The following CYP4Z1 variants were observed in gnomAD, a reference collection of about 807,000 sequenced individuals.
The protein encoded by CYP4Z1 is cytochrome P450 4Z1.
CYP4Z1 carries 41 observed loss-of-function variants against 54.2 expected under a neutral mutation model. That is an observed-to-expected ratio of 0.76 (90% CI 0.59 to 0.98). The LOEUF (loss-of-function observed/expected upper bound fraction) is 0.98. CYP4Z1 is among the 50% of genes least tolerant of loss of function. CYP4Z1 has a pLI of 0.00. For synonymous variants in CYP4Z1, 163 were observed against 206.2 expected (o/e 0.79, Z 1.79); for missense variants, 513 against 599.0 (o/e 0.86, Z 1.50).
rs892582364 is a variant in CYP4Z1 at position 47,091,151 on chromosome 1, A to G, written c.773-3415A>G. Among the ~76,000 whole-genome samples the G allele has an allele frequency of 8.0e-5, 11 of 136,660 alleles. 1 individual carries two copies. Among genetic ancestry groups the G allele is most frequent in the African/African-American group, 3.5e-4 (11 of 31,712 alleles). 89.7% of individuals were successfully genotyped at this position (136,660 alleles called of 152,430 possible). A position where few individuals can be genotyped will look rare whatever the true frequency, so the allele number is the denominator to read the frequency against. On this transcript the variant is annotated intron_variant, in intron 6 of 11. Transcript: ENST00000334194. ...AGAGTTTGCCATCCTGACTGTAACC[A>G]TCCTGAGAACTGAAAAGTATGCCCT...
chr1:47,057,599 A>G, the CYP4Z1 span, among the ~76,000 whole-genome samples: 2 of 147,716 alleles, frequency 1.4e-5, no homozygotes, highest in Non-Finnish European at 3.0e-5. Flanking sequence ...AATTTCAGAT[A>G]TTGGACTTTT....
At chr1:47,060,037 G>A in the CYP4Z1 span, among the ~76,000 whole-genome samples, 1 of 152,102 alleles carries the variant, frequency 6.6e-6, no homozygotes, top group South Asian at 2.1e-4. Context: ...ATCATGTATT[G>A]GGAAATATCC....
chr1:47,058,297 T>A, the CYP4Z1 span, among the ~76,000 whole-genome samples: 1 of 152,118 alleles, frequency 6.6e-6, no homozygotes. Flanking sequence ...TTTTCACTTT[T>A]AAAATGGTGT....
At chr1:47,117,043 T>C (rs1299848807) in intron 11 of CYP4Z1, among the ~76,000 whole-genome samples, 5 of 152,208 alleles carry the variant, frequency 3.3e-5, no homozygotes, top group South Asian at 2.1e-4. Flanking sequence ...CATCTTGTTA[T>C]AGGAACAAGG....
At chr1:47,087,320 C>T (rs559039260) in intron 6 of CYP4Z1, among the ~76,000 whole-genome samples, 3 of 152,248 alleles carry the variant, frequency 2.0e-5, no homozygotes, top group Admixed American at 6.5e-5. Context: ...ATTCTTCCTA[C>T]CCATGAGCAT....
At chr1:47,114,135 A>G (rs1203521323) in intron 9 of CYP4Z1, among the ~76,000 whole-genome samples, 1 of 152,186 alleles carries the variant, frequency 6.6e-6, no homozygotes. Context: ...CCTCAGAAAT[A>G]ATGCCGCATA....
rs572651900 is a variant in CYP4Z1 at position 47,110,073 on chromosome 1, G to A, written c.1201+3812G>A. 1.7e-4 allele frequency among the ~76,000 whole-genome samples: 25 copies of A among 143,584 alleles called. No homozygotes were observed. The South Asian group carries it at 6.3e-3, about 36-fold the overall frequency. 94.2% of individuals were successfully genotyped at this position (143,584 alleles called of 152,430 possible). A position where few individuals can be genotyped will look rare whatever the true frequency, so the allele number is the denominator to read the frequency against. On this transcript the variant is annotated intron_variant, in intron 9 of 11. Transcript: ENST00000334194. ...TTTATTATAATGAATATGCTCATAA[G>A]GTGTCAGTGTGATTCTCTGGATTAA...
intron 9 of CYP4Z1, among the ~76,000 whole-genome samples, chr1:47,107,413 T>C (rs561352251): frequency 1.3e-5 from 2 of 152,236 alleles, no homozygotes; most frequent in South Asian, 4.1e-4. Flanking sequence ...ATCATGGGGA[T>C]CTTTGCAATC....
chr1:47,089,917 G>T (rs1176029858), intron 6 of CYP4Z1, among the ~76,000 whole-genome samples: 2 of 152,282 alleles, frequency 1.3e-5, no homozygotes, highest in African/African-American at 4.8e-5. Flanking sequence ...CTTGCAATAT[G>T]ATTGGGAGAA....
rs372632854 is a variant in CYP4Z1, at chr1:47,067,418, T to G, written c.-73T>G. On this transcript the variant is annotated 5_prime_UTR_variant, in exon 1 of 12. Transcript: ENST00000334194. ...TGTTGCCCAGGGGGCATCTCCTTTGTGTTTATGAGAGACCTGCATTCTCCC... is the reference window on the plus strand; with the variant it reads ...TGTTGCCCAGGGGGCATCTCCTTTGGGTTTATGAGAGACCTGCATTCTCCC... 14 of 1,335,840 alleles carry G rather than the reference T, an allele frequency of 1.0e-5. No individual in the cohort carries two copies. The highest frequency in any genetic ancestry group is 1.5e-5 in the African/African-American group (1 of 67,254). The allele number at this position is 1,335,840 out of a possible 1,614,324, so 82.7% of individuals were successfully genotyped here.
At chr1:47,106,013 C>T in intron 8 of CYP4Z1, 115 bp from the exon 9 acceptor site, 1 of 1,320,392 alleles carries the variant, frequency 7.6e-7, no homozygotes, top group South Asian at 1.4e-5. Flanking sequence ...TGAAGTCCTC[C>T]TTTGGGTAAA....
rs372928814 is a variant in CYP4Z1, at chr1:47,089,739, A to G, written c.772+4761A>G. Among the ~76,000 whole-genome samples the G allele has an allele frequency of 1.8e-4, 28 of 152,290 alleles. No individual in the cohort carries two copies. The East Asian group carries it at 3.7e-3, about 20-fold the overall frequency. On this transcript the variant is annotated intron_variant, in intron 6 of 11. Coordinates refer to ENST00000334194, the MANE Select transcript of CYP4Z1 (RefSeq NM_178134.3). The stretch of plus-strand genomic sequence containing the variant: ...AGGCAGAACCACACATGAACAAGCT[A>G]TTTTTTTGAGAACCCTTAGATCAAC...
At chr1:47,095,211 T>C (rs1644669053) in intron 7 of CYP4Z1, among the ~76,000 whole-genome samples, 1 of 152,222 alleles carries the variant, frequency 6.6e-6, no homozygotes, top group South Asian at 2.1e-4. Context: ...TGGTAAAACC[T>C]GGGAGCTTGT....
upstream of CYP4Z1, among the ~76,000 whole-genome samples, chr1:47,066,677 G>C (rs565693631): frequency 6.6e-6 from 1 of 152,170 alleles, no homozygotes; most frequent in African/African-American, 2.4e-5. Flanking sequence ...TCAGACAAAA[G>C]GAAGAAATAA....
At chr1:47,101,473 T>G (rs1644721054) in intron 8 of CYP4Z1, among the ~76,000 whole-genome samples, 1 of 152,136 alleles carries the variant, frequency 6.6e-6, no homozygotes, top group South Asian at 2.1e-4. Flanking sequence ...TTCAAGAAAT[T>G]TTTTTATTTC....
chr1:47,059,025 G>A, the CYP4Z1 span, among the ~76,000 whole-genome samples: 1 of 151,996 alleles, frequency 6.6e-6, no homozygotes, highest in African/African-American at 2.4e-5. Flanking sequence ...GAAGGATAAA[G>A]GCTAATATAA....
the CYP4Z1 span, among the ~76,000 whole-genome samples, chr1:47,058,874 T>C: frequency 6.6e-6 from 1 of 152,168 alleles, no homozygotes; most frequent in African/African-American, 2.4e-5. Context: ...GAATATTATT[T>C]AACTATTTTT....
intron 7 of CYP4Z1, among the ~76,000 whole-genome samples, chr1:47,098,236 C>A (rs192258662): frequency 1.3e-5 from 2 of 152,310 alleles, no homozygotes; most frequent in Admixed American, 1.3e-4. Flanking sequence ...GATATTGATT[C>A]TTCCTATCCA....
Position 47,074,440 on chromosome 1 carries a change from A to G in CYP4Z1, c.319+5677A>G, listed in dbSNP as rs1386717323. Among the ~76,000 whole-genome samples the G allele has an allele frequency of 3.4e-4, 52 of 151,880 alleles. No homozygotes were observed. In the East Asian group the frequency reaches 8.6e-3, roughly 25 times the overall value. On this transcript the variant is annotated intron_variant, in intron 2 of 11. Coordinates refer to ENST00000334194, the MANE Select transcript of CYP4Z1 (RefSeq NM_178134.3). ...CTGTTCCTACATTAATTCACTTAGGATAATGTCCTGCACCTGCATCCATGT... is the reference window on the plus strand; with the variant it reads ...CTGTTCCTACATTAATTCACTTAGGGTAATGTCCTGCACCTGCATCCATGT...
Sources: allele counts gnomAD v4.1 joint callset (sites outside exome capture counted in the v4.1 genomes callset), GRCh38; gene constraint gnomAD v4.1.1; transcripts MANE v1.5; gene names NCBI Gene and HGNC (gene_info 2026-07-23, HGNC 2026-07-21).